Variants in MARK1 observed in about 807,000 individuals in gnomAD.
MARK1 encodes the protein serine/threonine-protein kinase MARK1.
Under a neutral mutation model 96.3 loss-of-function variants are expected in MARK1, and 40 were observed. The ratio of observed to expected loss-of-function variants is 0.42; its 90% CI spans 0.32 to 0.54. The LOEUF (loss-of-function observed/expected upper bound fraction) is 0.54. Ranked by LOEUF, MARK1 falls within the 20% of genes least tolerant of loss-of-function variation. The pLI, the probability that MARK1 is intolerant of heterozygous loss-of-function variation, is 0.16. For synonymous variants in MARK1, 317 were observed against 341.2 expected, an observed-to-expected ratio of 0.93 and a Z score of 0.78; for missense variants, 719 against 984.6, an observed-to-expected ratio of 0.73 and a Z score of 3.61.
chr1:220,572,561 G>C (rs893339805), intron 1 of MARK1, among the ~76,000 whole-genome samples: 2 of 152,132 alleles, frequency 1.3e-5, no homozygotes, highest in African/African-American at 4.8e-5. Context: ...TTCATGTATA[G>C]TTGTTCTTTC....
intron 9 of MARK1, among the ~76,000 whole-genome samples, chr1:220,623,150 G>C (rs897439857): frequency 3.3e-5 from 5 of 152,066 alleles, no homozygotes; most frequent in African/African-American, 1.2e-4. Flanking sequence ...TAGTGCAGTT[G>C]GTTGGCCTAG....
chr1:220,640,787 T>C (rs1668226429), intron 13 of MARK1, among the ~76,000 whole-genome samples: 1 of 152,182 alleles, frequency 6.6e-6, no homozygotes, highest in South Asian at 2.1e-4. Flanking sequence ...ATGCTTTTTA[T>C]AACAAAGCCA....
At chr1:220,549,850 T>TGG (rs879581925) in intron 1 of MARK1, among the ~76,000 whole-genome samples, 2 of 152,250 alleles carry the variant, frequency 1.3e-5, no homozygotes, top group African/African-American at 4.8e-5. Context: ...CACACCTGGT[T>TGG]GGATGGTTGT....
chr1:220,610,252 C>G (rs1014418800), intron 6 of MARK1, among the ~76,000 whole-genome samples: 4 of 152,080 alleles, frequency 2.6e-5, no homozygotes, highest in Admixed American at 1.3e-4. Flanking sequence ...TCATTTCTTT[C>G]TACTCTTTTT....
At chr1:220,558,992 G>C (rs965696598) in intron 1 of MARK1, among the ~76,000 whole-genome samples, 3 of 152,126 alleles carry the variant, frequency 2.0e-5, no homozygotes, top group African/African-American at 7.2e-5. Flanking sequence ...AACTAAATAG[G>C]TTCAAGAGGT....
In MARK1 at chr1:220,539,805, A is replaced by G. The variant is rs76249883; in HGVS notation, c.51+10932A>G. ...TTTTTTCCTGAGAATTTTTATATTG[A>G]TATGCATTAGGGATATTGACTTGTA... On this transcript the variant is annotated intron_variant, in intron 1 of 17. Coordinates refer to ENST00000366917, the MANE Select transcript of MARK1 (RefSeq NM_018650.5). 1.6e-3 allele frequency among the ~76,000 whole-genome samples: 235 copies of G among 150,798 alleles called. 1 individual carries two copies. The highest frequency in any genetic ancestry group is 5.5e-3 in the African/African-American group (226 of 41,062).
chr1:220,541,676 C>G (rs1661158958), intron 1 of MARK1, among the ~76,000 whole-genome samples: 1 of 152,124 alleles, frequency 6.6e-6, no homozygotes, highest in Admixed American at 6.5e-5. Context: ...TCTGTTGTGA[C>G]AGTTTTTGAC....
At chr1:220,568,673 A>G (rs1663228891) in intron 1 of MARK1, among the ~76,000 whole-genome samples, 1 of 152,174 alleles carries the variant, frequency 6.6e-6, no homozygotes, top group Non-Finnish European at 1.5e-5. Context: ...TTCTAGAGGT[A>G]ACTACTTTCT....
At chr1:220,575,877 G>C (rs576457532) in intron 1 of MARK1, among the ~76,000 whole-genome samples, 3 of 150,802 alleles carry the variant, frequency 2.0e-5, no homozygotes, top group Non-Finnish European at 4.4e-5. Context: ...ATCGTTTGTC[G>C]ATCTCTGTGT....
At chr1:220,558,153 A>G (rs1331502505) in intron 1 of MARK1, among the ~76,000 whole-genome samples, 2 of 147,526 alleles carry the variant, frequency 1.4e-5, no homozygotes, top group Admixed American at 6.8e-5. Context: ...AATAATAATA[A>G]TAATAATAAT....
At chr1:220,601,876 T>C (rs1466632672) in intron 5 of MARK1, among the ~76,000 whole-genome samples, 5 of 152,064 alleles carry the variant, frequency 3.3e-5, no homozygotes, top group Non-Finnish European at 5.9e-5. Flanking sequence ...TGTAGAGAAA[T>C]GGGTACAGGA....
chr1:220,609,274 C>T (rs2102940056), intron 6 of MARK1, among the ~76,000 whole-genome samples: 1 of 152,292 alleles, frequency 6.6e-6, no homozygotes, highest in African/African-American at 2.4e-5. Context: ...ATAGTTAGCT[C>T]TTCTTGTTGA....
intron 1 of MARK1, among the ~76,000 whole-genome samples, chr1:220,543,802 T>C (rs1211863354): frequency 1.3e-5 from 2 of 152,208 alleles, no homozygotes; most frequent in African/African-American, 4.8e-5. Context: ...ATTTCTTAAC[T>C]CCTGCTCCCT....
At chr1:220,657,759 C>A in intron 16 of MARK1, 31 bp from the exon 17 acceptor site, 1 of 1,508,950 alleles carries the variant, frequency 6.6e-7, no homozygotes, top group Non-Finnish European at 8.9e-7. Flanking sequence ...TTACTTTTAT[C>A]ATTAAATCTC....
chr1:220,572,104 T>A (rs543356227), intron 1 of MARK1: 2 of 152,360 alleles, frequency 1.3e-5, no homozygotes, highest in East Asian at 3.9e-4. Flanking sequence ...AACTAAAATA[T>A]CTATGGAAAG....
chr1:220,592,555 C>A (rs1665069426), intron 3 of MARK1, among the ~76,000 whole-genome samples: 1 of 152,126 alleles, frequency 6.6e-6, no homozygotes, highest in African/African-American at 2.4e-5. Context: ...CCTTACGAGA[C>A]CTGAGCAGAA....
rs1660142142 is a variant in MARK1 at position 220,529,231 on chromosome 1, A to G, written c.51+358A>G. On this transcript the variant is annotated intron_variant, in intron 1 of 17. Transcript: ENST00000366917. ...GCATTCTGTGCCCCCACCCGAATGA[A>G]TGCTTGCTTTACAATAGCAGACGAG... Among the ~76,000 whole-genome samples the G allele has an allele frequency of 2.0e-5, 3 of 152,000 alleles. No homozygotes were observed. In the South Asian group the frequency reaches 6.2e-4, roughly 32 times the overall value.
At chr1:220,613,328 T>C (rs1363519483) in intron 6 of MARK1, among the ~76,000 whole-genome samples, 1 of 152,170 alleles carries the variant, frequency 6.6e-6, no homozygotes, top group Non-Finnish European at 1.5e-5. Flanking sequence ...TTCATAGAAT[T>C]TGGGGAGAAC....
intron 13 of MARK1, among the ~76,000 whole-genome samples, chr1:220,643,319 C>T (rs1390721464): frequency 6.6e-6 from 1 of 151,946 alleles, no homozygotes; most frequent in African/African-American, 2.4e-5. Context: ...GCCGAATAGA[C>T]CAAGTGGAAG....
Sources: gnomAD v4.1 joint callset for allele counts (sites outside exome capture counted in the v4.1 genomes callset) on GRCh38, gnomAD v4.1.1 for gene constraint, MANE v1.5 for transcripts, NCBI Gene and HGNC (gene_info 2026-07-23, HGNC 2026-07-21) for gene names.